The following TENM4 variants were observed in gnomAD, a reference collection of about 807,000 sequenced individuals.
The protein encoded by TENM4 is teneurin-4.
TENM4 carries 82 observed loss-of-function variants against 243.3 expected under a neutral mutation model. The ratio of observed to expected loss-of-function variants is 0.34; its 90% confidence interval spans 0.28 to 0.40. The LOEUF (loss-of-function observed/expected upper bound fraction) is 0.40, where lower values mean the gene tolerates loss of function less well. Ranked by LOEUF, TENM4 falls within the 10% of genes least tolerant of loss-of-function variation. The probability of loss-of-function intolerance (pLI) is 1.00; values close to 1 mark genes in which losing one functional copy is unlikely to be tolerated. For synonymous variants in TENM4, 1,412 were observed against 1,456.3 expected (o/e 0.97, Z 0.69); for missense variants, 3,138 against 3,673.3 (o/e 0.85, Z 3.77).
At chr11:79,416,366 C>A (rs1296580273) in intron 1 of TENM4, among the ~76,000 whole-genome samples, 1 of 152,168 alleles carries the variant, frequency 6.6e-6, no homozygotes, top group Non-Finnish European at 1.5e-5. Flanking sequence ...TGCTCCATAT[C>A]CTCACCAACA....
At chr11:78,970,282 T>C (rs191879260) in intron 6 of TENM4, among the ~76,000 whole-genome samples, 128 of 152,294 alleles carry the variant, frequency 8.4e-4, no homozygotes, top group Non-Finnish European at 1.3e-4. Context: ...ACTCAGAGTC[T>C]CAGCTCAGCA....
At chr11:78,842,098 T>C (rs376724077) in intron 12 of TENM4, among the ~76,000 whole-genome samples, 2 of 152,326 alleles carry the variant, frequency 1.3e-5, no homozygotes, top group East Asian at 3.9e-4. Context: ...AATTCAGAGC[T>C]ATCTCCAAGT....
rs1857514576 is a variant in TENM4 at position 78,812,168 on chromosome 11, G to A, written c.1932C>T (p.Gly644=). Residue 644 remains glycine (G), a synonymous_variant, in exon 14 of 34, where the codon GGC becomes GGT. Transcript: ENST00000278550. Reference sequence around the variant, plus strand: ...TGTAGCCAGGGTTGCAGATGCAGGTGCCCGTGATGCAGGTGCCATGGTTGC... The same window carrying A: ...TGTAGCCAGGGTTGCAGATGCAGGTACCCGTGATGCAGGTGCCATGGTTGC... ...ACSNHGTCIT[G]TCICNPGYKG... The A allele has an allele frequency of 6.4e-7, 1 of 1,551,762 alleles. No homozygotes were observed. Among genetic ancestry groups the A allele is most frequent in the African/African-American group, 1.4e-5 (1 of 73,168 alleles).
rs1302059328 is a variant in TENM4 at position 79,352,521 on chromosome 11, G to A, written c.-320-54978C>T. ...ACATCGTGGGAACAGAGAGAGCCAC[G>A]GAGCATGACTGCCTGCAGCAAATTG... On this transcript the variant is annotated intron_variant, in intron 1 of 33. Coordinates refer to ENST00000278550, the MANE Select transcript of TENM4 (RefSeq NM_001098816.3). Among the ~76,000 whole-genome samples the A allele has an allele frequency of 3.9e-5, 6 of 152,294 alleles. No homozygotes were observed. The South Asian group carries it at 8.3e-4, about 21-fold the overall frequency.
rs572376460 is a variant in TENM4 at position 78,852,888 on chromosome 11, C to T, written c.1681+1216G>A. Among the ~76,000 whole-genome samples the T allele has an allele frequency of 1.1e-4, 17 of 151,832 alleles. No homozygotes were observed. In the South Asian group the frequency reaches 1.7e-3, roughly 15 times the overall value. ...CCTCAGCCTCCTGAGCAGCTGGGAC[C>T]GCAGGCATGCACCATCGCACCTGGA... On this transcript the variant is annotated intron_variant, in intron 12 of 33. Coordinates refer to ENST00000278550, the MANE Select transcript of TENM4 (RefSeq NM_001098816.3).
At chr11:78,710,197 G>T (rs1383727631) in intron 26 of TENM4, among the ~76,000 whole-genome samples, 1 of 152,214 alleles carries the variant, frequency 6.6e-6, no homozygotes, top group Non-Finnish European at 1.5e-5. Flanking sequence ...ACTTCACTTT[G>T]AAGTCTTCAT....
At chr11:78,797,546 A>G (rs1259989363) in intron 15 of TENM4, among the ~76,000 whole-genome samples, 1 of 152,230 alleles carries the variant, frequency 6.6e-6, no homozygotes, top group Non-Finnish European at 1.5e-5. Context: ...CTACTAAATT[A>G]CAAATCTGCC....
intron 6 of TENM4, among the ~76,000 whole-genome samples, chr11:78,943,291 C>T (rs1856942524): frequency 6.6e-6 from 1 of 152,146 alleles, no homozygotes; most frequent in African/African-American, 2.4e-5. Flanking sequence ...TGTTCTGAAG[C>T]TTGAGTTATG....
At chr11:78,895,585 T>C (rs1855773738) in intron 7 of TENM4, among the ~76,000 whole-genome samples, 1 of 152,030 alleles carries the variant, frequency 6.6e-6, no homozygotes, top group South Asian at 2.1e-4. Flanking sequence ...ACTCTAGGTG[T>C]CTAGTTCTTC....
At chr11:78,741,763 G>T (rs895213617) in intron 19 of TENM4, among the ~76,000 whole-genome samples, 4 of 152,224 alleles carry the variant, frequency 2.6e-5, no homozygotes, top group African/African-American at 9.6e-5. Flanking sequence ...GGCTGGAGAT[G>T]TGGCTAAGAA....
chr11:79,113,759 T>C (rs1275052462), intron 4 of TENM4, among the ~76,000 whole-genome samples: 2 of 152,196 alleles, frequency 1.3e-5, no homozygotes, highest in Admixed American at 1.3e-4. Context: ...GATTCCTATT[T>C]GCTGCCCTCA....
chr11:79,230,505 T>C (rs969376429), intron 2 of TENM4, among the ~76,000 whole-genome samples: 28 of 152,240 alleles, frequency 1.8e-4, no homozygotes, highest in African/African-American at 6.7e-4. Context: ...AGGAGTGGGG[T>C]CCAGCCTCTG....
At chr11:78,752,017 A>C (rs1334669551) in intron 19 of TENM4, among the ~76,000 whole-genome samples, 1 of 152,140 alleles carries the variant, frequency 6.6e-6, no homozygotes, top group African/African-American at 2.4e-5. Flanking sequence ...CAAACCACTT[A>C]ATCTGGTGAC....
rs137885936 is a variant in TENM4 at position 78,991,690 on chromosome 11, G to C, written c.493+73048C>G. On this transcript the variant is annotated intron_variant, in intron 6 of 33. Coordinates refer to ENST00000278550, the MANE Select transcript of TENM4 (RefSeq NM_001098816.3). ...ATGTGGCCTCTCTCACAGCCATGCA[G>C]GGAGACCAGGTGGCACCTGGAAGCA... Among the ~76,000 whole-genome samples, 149 of 152,322 alleles carry C rather than the reference G, an allele frequency of 9.8e-4. No homozygotes were observed. The East Asian group carries it at 0.022, about 23-fold the overall frequency.
At chr11:79,055,353 C>A (rs1329117409) in intron 6 of TENM4, among the ~76,000 whole-genome samples, 1 of 152,012 alleles carries the variant, frequency 6.6e-6, no homozygotes, top group African/African-American at 2.4e-5. Flanking sequence ...GTGATCCTCC[C>A]ACCTCAGCTT....
chr11:78,898,502 T>G (rs1001037323), intron 7 of TENM4, among the ~76,000 whole-genome samples: 1 of 152,234 alleles, frequency 6.6e-6, no homozygotes, highest in Non-Finnish European at 1.5e-5. Flanking sequence ...TGGTGGGGAC[T>G]GGCCCAACCT....
At chr11:78,905,927 A>G (rs1030319965) in intron 6 of TENM4, among the ~76,000 whole-genome samples, 1 of 152,358 alleles carries the variant, frequency 6.6e-6, no homozygotes, top group African/African-American at 2.4e-5. Flanking sequence ...AGCCTGGGAC[A>G]GAAGCCAGCA....
intron 2 of TENM4, among the ~76,000 whole-genome samples, chr11:79,260,704 C>T (rs913875855): frequency 1.3e-5 from 2 of 152,170 alleles, no homozygotes; most frequent in Middle Eastern, 3.2e-3. Flanking sequence ...CCTTCTTCCT[C>T]CTCAAGCAGC....
chr11:79,314,924 A>G (rs534128063), intron 1 of TENM4, among the ~76,000 whole-genome samples: 1 of 152,332 alleles, frequency 6.6e-6, no homozygotes, highest in South Asian at 2.1e-4. Context: ...TTCTCAGGTG[A>G]TTCTAATGTG....
Sources: allele counts gnomAD v4.1 joint callset (sites outside exome capture counted in the v4.1 genomes callset), GRCh38; gene constraint gnomAD v4.1.1; transcripts MANE v1.5; gene names NCBI Gene and HGNC (gene_info 2026-07-23, HGNC 2026-07-21).